SMG6: variants seen among roughly 807,000 people sequenced by gnomAD.
The protein encoded by SMG6 is SMG6 nonsense mediated mRNA decay factor.
A neutral mutation model predicts 142.2 loss-of-function variants in SMG6; 66 were observed. The ratio of observed to expected loss-of-function variants is 0.46; its 90% CI spans 0.38 to 0.57. SMG6 has a LOEUF of 0.57. SMG6 is among the 20% of genes least tolerant of loss of function. The pLI is 0.00. For missense variants in SMG6, 1,793 were observed against 1,832.0 expected, an observed-to-expected ratio of 0.98 and a Z score of 0.39; for synonymous variants, 779 against 702.4, an observed-to-expected ratio of 1.11 and a Z score of -1.72.
chr17:2,252,525 G>A (rs567455234), intron 8 of SMG6, among the ~76,000 whole-genome samples: 1 of 152,226 alleles, frequency 6.6e-6, no homozygotes, highest in Non-Finnish European at 1.5e-5. Context: ...GATCTTAAGA[G>A]TTGAAAACCT....
chr17:2,297,810 T>A, intron 3 of SMG6, 53 bp downstream of exon 3: 1 of 1,562,638 alleles, frequency 6.4e-7, no homozygotes, highest in Non-Finnish European at 8.6e-7. Flanking sequence ...AAATCCATCG[T>A]AACTACAGAA....
At chr17:2,107,799 G>C (rs1000361540) in intron 13 of SMG6, among the ~76,000 whole-genome samples, 2 of 152,234 alleles carry the variant, frequency 1.3e-5, no homozygotes, top group Non-Finnish European at 2.9e-5. Context: ...CTGCGTGCCA[G>C]GGCCAAGCGG....
chr17:2,106,429 G>C (rs2069157171), intron 13 of SMG6, among the ~76,000 whole-genome samples: 1 of 152,144 alleles, frequency 6.6e-6, no homozygotes, highest in Admixed American at 6.5e-5. Flanking sequence ...GGAAAAGAGA[G>C]TCCTATAGCA....
At position 2,172,654 on chromosome 17, in the gene SMG6, T is replaced by A. The variant is rs1378311404; in HGVS notation, c.3357+4A>T. On this transcript the variant is annotated splice_donor_region_variant and intron_variant, in intron 13 of 18. Coordinates refer to ENST00000263073, the MANE Select transcript of SMG6 (RefSeq NM_017575.5). Reference sequence around the variant, plus strand: ...TGGGGAGGGATGTTTGGCCTGGGGCTGACCTTATCCGAGGTTTTCTCCACG... The same window carrying A: ...TGGGGAGGGATGTTTGGCCTGGGGCAGACCTTATCCGAGGTTTTCTCCACG... 1 of 1,613,040 alleles carries A rather than the reference T, an allele frequency of 6.2e-7. No homozygotes were observed. Among genetic ancestry groups the A allele is most frequent in the East Asian group, 2.2e-5 (1 of 44,880 alleles).
At chr17:2,174,274 G>A (rs982782208) in intron 12 of SMG6, among the ~76,000 whole-genome samples, 3 of 152,168 alleles carry the variant, frequency 2.0e-5, no homozygotes, top group South Asian at 2.1e-4. Context: ...CTCCCCAGTG[G>A]AGTTACTGCC....
At chr17:2,298,130 G>A (rs1449796121) in intron 2 of SMG6, 75 bp from the exon 3 acceptor site, 21 of 1,376,478 alleles carry the variant, frequency 1.5e-5, no homozygotes, top group Non-Finnish European at 2.1e-5. Context: ...TGAGATTCCT[G>A]CAAATTAACC....
intron 8 of SMG6, among the ~76,000 whole-genome samples, chr17:2,256,751 G>A (rs1486525102): frequency 6.6e-6 from 1 of 151,050 alleles, no homozygotes; most frequent in East Asian, 2.0e-4. Context: ...CTCCAGCCTG[G>A]GAGACACAGT....
chr17:2,198,006 C>G (rs114102831), intron 10 of SMG6, among the ~76,000 whole-genome samples: 2 of 152,080 alleles, frequency 1.3e-5, no homozygotes, highest in African/African-American at 2.4e-5. Flanking sequence ...TGAAAACTTA[C>G]GTTTAGAAAA....
At chr17:2,200,489 C>T (rs1010621686) in intron 10 of SMG6, among the ~76,000 whole-genome samples, 2 of 150,994 alleles carry the variant, frequency 1.3e-5, no homozygotes. Context: ...GGTGTATCTC[C>T]TAATGCTATC....
At chr17:2,078,202 G>A (rs1037151304) in intron 15 of SMG6, among the ~76,000 whole-genome samples, 2 of 152,068 alleles carry the variant, frequency 1.3e-5, no homozygotes, top group African/African-American at 4.8e-5. Context: ...GGCCTTGACT[G>A]CTACACTCTA....
chr17:2,254,692 T>G (rs2074124828), intron 8 of SMG6, among the ~76,000 whole-genome samples: 1 of 152,126 alleles, frequency 6.6e-6, no homozygotes, highest in Non-Finnish European at 1.5e-5. Context: ...TGGTGAAGAC[T>G]TCCTCACACA....
At chr17:2,105,758 T>C (rs1412813355) in intron 13 of SMG6, among the ~76,000 whole-genome samples, 2 of 152,188 alleles carry the variant, frequency 1.3e-5, no homozygotes. Context: ...TTAGATTCAT[T>C]TCATTTCACT....
intron 13 of SMG6, among the ~76,000 whole-genome samples, chr17:2,098,787 T>C (rs2151467741): frequency 1.3e-5 from 2 of 152,178 alleles, no homozygotes; most frequent in Middle Eastern, 6.8e-3. Context: ...CCCGCCACCA[T>C]GTCCAACTAA....
In SMG6 at chr17:2,111,084, T is replaced by G. The variant is rs1597399301; in HGVS notation, c.3358-25183A>C. Among the ~76,000 whole-genome samples the G allele has an allele frequency of 2.0e-5, 3 of 152,280 alleles. No homozygotes were observed. In the East Asian group the frequency reaches 5.8e-4, roughly 29 times the overall value. Reference sequence around the variant, plus strand: ...CTGATCTCACAGTCTGAGTTCTAAATGTATTCTACTGAAATTCAATAAATA... The same window carrying G: ...CTGATCTCACAGTCTGAGTTCTAAAGGTATTCTACTGAAATTCAATAAATA... On this transcript the variant is annotated intron_variant, in intron 13 of 18. Coordinates refer to ENST00000263073, the MANE Select transcript of SMG6 (RefSeq NM_017575.5).
In SMG6 at chr17:2,085,649, G is replaced by C. The variant is rs1257133026; in HGVS notation, c.3534+76C>G. 3 of 1,408,868 alleles carry C rather than the reference G, an allele frequency of 2.1e-6. No homozygotes were observed. The highest frequency in any genetic ancestry group is 2.9e-5 in the African/African-American group (2 of 69,350). 87.3% of individuals were successfully genotyped at this position (1,408,868 alleles called of 1,614,324 possible). A position where few individuals can be genotyped will look rare whatever the true frequency, so the allele number is the denominator to read the frequency against. On this transcript the variant is annotated intron_variant, in intron 14 of 18. Transcript: ENST00000263073. The surrounding 1 kb of genome is among the most constrained non-coding windows in gnomAD (Gnocchi z 4.1). Reference sequence around the variant, plus strand: ...GTTCTCTGTGCTCATAAATAAGCAGGAGGAAAAGCTGAAGCCACGAGCAGA... The same window carrying C: ...GTTCTCTGTGCTCATAAATAAGCAGCAGGAAAAGCTGAAGCCACGAGCAGA...
chr17:2,221,299 T>C (rs2073162871), intron 10 of SMG6, among the ~76,000 whole-genome samples: 1 of 152,178 alleles, frequency 6.6e-6, no homozygotes, highest in African/African-American at 2.4e-5. Flanking sequence ...TATCTCCTGA[T>C]GGAGCTCTCG....
At chr17:2,146,306 CTT>C (rs1270381652) in intron 13 of SMG6, among the ~76,000 whole-genome samples, 1 of 152,110 alleles carries the variant, frequency 6.6e-6, no homozygotes, top group Non-Finnish European at 1.5e-5. Context: ...GCTGAGCAGA[CTT>C]TGTGACCATT....
intron 10 of SMG6, among the ~76,000 whole-genome samples, chr17:2,208,726 G>A (rs1216118002): frequency 6.6e-6 from 1 of 152,182 alleles, no homozygotes; most frequent in Non-Finnish European, 1.5e-5. Context: ...ATAAATCAAA[G>A]AAGAAAGTGA....
At chr17:2,179,938 T>C (rs867144998) in intron 12 of SMG6, among the ~76,000 whole-genome samples, 3 of 152,354 alleles carry the variant, frequency 2.0e-5, no homozygotes, top group Middle Eastern at 3.4e-3. Context: ...CTGCCACAGC[T>C]GGGCTAGGTT....
Sources: gnomAD v4.1 joint callset for allele counts (sites outside exome capture counted in the v4.1 genomes callset) on GRCh38, gnomAD v4.1.1 for gene constraint, Gnocchi (gnomAD v3.1) non-coding constraint, MANE v1.5 for transcripts, NCBI Gene and HGNC (gene_info 2026-07-23, HGNC 2026-07-21) for gene names.